ZNF737: variants seen among roughly 807,000 people sequenced by gnomAD.
The protein encoded by ZNF737 is zinc finger protein 102 (Y3).
A neutral mutation model predicts 11.7 loss-of-function variants in ZNF737; 13 were observed. The observed-to-expected ratio is 1.11, with a 90% CI of 0.73 to 1.77. ZNF737 has a LOEUF of 1.77. Ranked by LOEUF, ZNF737 falls within the 40% of genes most tolerant of loss-of-function variation. The pLI is 0.00. For synonymous variants in ZNF737, 217 were observed against 216.2 expected (o/e 1.00, Z -0.03); for missense variants, 636 against 638.0 (o/e 1.00, Z 0.03).
rs901487693 is a variant in ZNF737, at chr19:20,542,838, T to G, written c.*1754A>C. On this transcript the variant is annotated 3_prime_UTR_variant, in exon 4 of 4. Transcript: ENST00000427401. ...GCCACTGATCACATGCTTTCTCACA[T>G]GTGAATAGAAATAAAATAACAGCAT... The G allele has an allele frequency of 2.0e-6, 2 of 985,240 alleles. No homozygotes were observed. The highest frequency in any genetic ancestry group is 2.4e-6 in the Non-Finnish European group (2 of 829,882). 61.0% of individuals were successfully genotyped at this position (985,240 alleles called of 1,614,324 possible). A position where few individuals can be genotyped will look rare whatever the true frequency, so the allele number is the denominator to read the frequency against.
chr19:20,534,529 T>C (rs1967912321), downstream of ZNF737, among the ~76,000 whole-genome samples: 9 of 150,284 alleles, frequency 6.0e-5, 1 homozygote, highest in Admixed American at 6.0e-4. Context: ...TTTAGAGATG[T>C]TAAGAATCTG....
At chr19:20,550,841 T>C (rs187697967) in intron 3 of ZNF737, among the ~76,000 whole-genome samples, 237 of 152,330 alleles carry the variant, frequency 1.6e-3, no homozygotes, top group African/African-American at 5.0e-3. Flanking sequence ...GAAGGCAGGC[T>C]CTCATTCACG....
chr19:20,533,880 G>A (rs1967888748), downstream of ZNF737, among the ~76,000 whole-genome samples: 1 of 150,126 alleles, frequency 6.7e-6, no homozygotes, highest in Admixed American at 6.6e-5. Flanking sequence ...AATCACTTGG[G>A]CTGAGCTAAT....
At chr19:20,562,652 A>T (rs1969141934) in intron 1 of ZNF737, among the ~76,000 whole-genome samples, 1 of 151,602 alleles carries the variant, frequency 6.6e-6, no homozygotes, top group Non-Finnish European at 1.5e-5. Context: ...ACAGGATTTC[A>T]CCATGTTGGC....
chr19:20,545,198 A>G lies in ZNF737; in HGVS notation c.1005T>C (p.His335=). 3 of 1,613,912 alleles carry G rather than the reference A, an allele frequency of 1.9e-6. No homozygotes were observed. Among genetic ancestry groups the G allele is most frequent in the East Asian group, 2.2e-5 (1 of 44,856 alleles). Residue 335 remains histidine (H), a synonymous_variant, in exon 4 of 4, where the codon CAT becomes CAC. Coordinates refer to ENST00000427401, the MANE Select transcript of ZNF737 (RefSeq NM_001159293.2). ...CACATTTGTAGGGTTTCTCTCCAGT[A>G]TGAATTCTTTTATGTGTAGTAAGGA... ...PSVLTTHKRI[H]TGEKPYKCEE...
intron 1 of ZNF737, among the ~76,000 whole-genome samples, chr19:20,555,192 C>CTT (rs71172598): frequency 1.3e-5 from 2 of 148,882 alleles, no homozygotes; most frequent in East Asian, 2.0e-4. Flanking sequence ...CTTTTCTTTT[C>CTT]TTTTTTTTGA....
downstream of ZNF737, among the ~76,000 whole-genome samples, chr19:20,536,962 G>T (rs953297739): frequency 6.6e-6 from 1 of 151,934 alleles, no homozygotes; most frequent in Admixed American, 6.6e-5. Flanking sequence ...AATCAGCTGG[G>T]CGTGGTGGCG....
intron 1 of ZNF737, 78 bp downstream of exon 1, chr19:20,565,560 G>C (rs1461136914): frequency 1.9e-5 from 30 of 1,610,048 alleles, no homozygotes; most frequent in African/African-American, 2.7e-5. Context: ...GCAGAGGCCT[G>C]AGTCCCGCCA....
At chr19:20,532,610 A>AT (rs34345492), downstream of ZNF737, among the ~76,000 whole-genome samples, 93,500 of 148,434 alleles carry the variant, frequency 0.63, 32,441 homozygotes, top group African/African-American at 0.83. Context: ...ACCATATTAC[A>AT]TTTTTTCATA....
chr19:20,547,205 C>A (rs528493666), intron 3 of ZNF737, among the ~76,000 whole-genome samples: 83 of 151,844 alleles, frequency 5.5e-4, no homozygotes, highest in African/African-American at 1.9e-3. Flanking sequence ...TATAGTGAAA[C>A]CCCATCTCTA....
chr19:20,554,267 T>C (rs1273130644), intron 1 of ZNF737, among the ~76,000 whole-genome samples: 1 of 152,198 alleles, frequency 6.6e-6, no homozygotes, highest in African/African-American at 2.4e-5. Context: ...AAGTTTGATT[T>C]TTTGAATTTC....
chr19:20,563,392 T>C (rs564748897), intron 1 of ZNF737, among the ~76,000 whole-genome samples: 75 of 151,644 alleles, frequency 4.9e-4, no homozygotes, highest in Non-Finnish European at 5.3e-4. Context: ...TTGATTTCCA[T>C]GTCAGAGTTA....
At chr19:20,552,222 T>C (rs556940603) in intron 3 of ZNF737, among the ~76,000 whole-genome samples, 2 of 151,920 alleles carry the variant, frequency 1.3e-5, no homozygotes, top group East Asian at 3.9e-4. Flanking sequence ...AAGAGGACTC[T>C]GGCTCTCACT....
Position 20,545,361 on chromosome 19 carries a change from C to T in ZNF737, c.842G>A (p.Gly281Glu). Reference sequence around the variant, plus strand: ...TTCTTCACATTTGTAGGGTTTCTCTCCAGTATGAATTATCTTATGTGTAGT... The same window carrying T: ...TTCTTCACATTTGTAGGGTTTCTCTTCAGTATGAATTATCTTATGTGTAGT... The part of the protein sequence containing the change: ...NLTTHKIIHT[G>E]EKPYKCEECG... Residue 281 changes from glycine to glutamate, a missense_variant, in exon 4 of 4, where the codon GGA (glycine) becomes GAA (glutamate). Gly to Glu is a moderately conservative substitution (Grantham distance 98). Transcript: ENST00000427401. The T allele has an allele frequency of 6.2e-7, 1 of 1,613,848 alleles. No homozygotes were observed.
In ZNF737 at chr19:20,542,827, G is replaced by C. The variant is rs1272407648; in HGVS notation, c.*1765C>G. 8.1e-6 allele frequency: 8 copies of C among 985,136 alleles called. No individual in the cohort carries two copies. The highest frequency in any genetic ancestry group is 8.4e-6 in the Non-Finnish European group (7 of 829,848). 61.0% of individuals were successfully genotyped at this position (985,136 alleles called of 1,614,324 possible). On this transcript the variant is annotated 3_prime_UTR_variant, in exon 4 of 4. Transcript: ENST00000427401. ...CTGATGCAGAAGCCACTGATCACAT[G>C]CTTTCTCACATGTGAATAGAAATAA...
At chr19:20,557,991 G>A (rs572409334) in intron 1 of ZNF737, among the ~76,000 whole-genome samples, 1 of 152,218 alleles carries the variant, frequency 6.6e-6, no homozygotes, top group African/African-American at 2.4e-5. Context: ...ATGGCCAGGA[G>A]TGGTGGCTGA....
chr19:20,554,856 G>C (rs1334265924), intron 1 of ZNF737, among the ~76,000 whole-genome samples: 1 of 133,270 alleles, frequency 7.5e-6, no homozygotes, highest in African/African-American at 3.1e-5. Context: ...ATTTAAATAA[G>C]CATTTCTTTT....
At chr19:20,552,638 C>T (rs1285737056) in intron 2 of ZNF737, 68 bp from the exon 3 acceptor site, 19 of 1,051,262 alleles carry the variant, frequency 1.8e-5, no homozygotes, top group Non-Finnish European at 2.4e-5. Context: ...GTAATGTGCT[C>T]GCAAAGACAA....
Position 20,542,070 on chromosome 19 carries a change from T to C in ZNF737, c.*2522A>G, listed in dbSNP as rs577461236. The C allele has an allele frequency of 2.0e-6, 2 of 985,230 alleles. No individual in the cohort carries two copies. Among genetic ancestry groups the C allele is most frequent in the Non-Finnish European group, 2.4e-6 (2 of 829,752 alleles). The allele number at this position is 985,230 out of a possible 1,614,324, so 61.0% of individuals were successfully genotyped here. Reference sequence around the variant, plus strand: ...AGCCACTGACAGTGATTACTAAAGATGTTATTTTACAATGTATGAAATAGT... The same window carrying C: ...AGCCACTGACAGTGATTACTAAAGACGTTATTTTACAATGTATGAAATAGT... On this transcript the variant is annotated 3_prime_UTR_variant, in exon 4 of 4. Coordinates refer to ENST00000427401, the MANE Select transcript of ZNF737 (RefSeq NM_001159293.2).
Sources: gnomAD v4.1 joint callset for allele counts (sites outside exome capture counted in the v4.1 genomes callset) on GRCh38, gnomAD v4.1.1 for gene constraint, MANE v1.5 for transcripts, NCBI Gene and HGNC (gene_info 2026-07-23, HGNC 2026-07-21) for gene names.